WDR72: variants seen among roughly 807,000 people sequenced by gnomAD.
WDR72 encodes WD repeat domain 72, also known as WD repeat-containing protein 72.
Under a neutral mutation model 124.2 loss-of-function variants are expected in WDR72, and 120 were observed. The observed-to-expected ratio is 0.97, with a 90% CI of 0.83 to 1.12. WDR72 has a LOEUF of 1.12. Among genes scored for constraint, WDR72 ranks in the 50% most tolerant of loss-of-function variants. The pLI is 0.00. For synonymous variants in WDR72, 452 were observed against 441.7 expected (o/e 1.02, Z -0.29); for missense variants, 1,387 against 1,278.8 (o/e 1.08, Z -1.29).
chr15:53,661,229 A>G (rs1389955735), intron 14 of WDR72, among the ~76,000 whole-genome samples: 3 of 152,136 alleles, frequency 2.0e-5, no homozygotes, highest in South Asian at 2.1e-4. Flanking sequence ...ATGCTGAGTA[A>G]TATATAAGGA....
intron 13 of WDR72, among the ~76,000 whole-genome samples, chr15:53,675,362 A>C (rs1170307823): frequency 1.3e-5 from 2 of 151,318 alleles, no homozygotes; most frequent in Non-Finnish European, 2.9e-5. Context: ...AAAAAAATCT[A>C]CTATGACTAA....
intron 17 of WDR72, among the ~76,000 whole-genome samples, chr15:53,598,178 C>A (rs912466241): frequency 4.6e-5 from 7 of 151,644 alleles, no homozygotes; most frequent in Admixed American, 2.6e-4. Flanking sequence ...ACTAGGGACA[C>A]CTTCTCATCA....
Position 53,716,608 on chromosome 15 carries a change from C to T in WDR72, c.338G>A (p.Cys113Tyr). The T allele has an allele frequency of 6.2e-7, 1 of 1,602,796 alleles. No individual in the cohort carries two copies. The highest frequency in any genetic ancestry group is 8.5e-7 in the Non-Finnish European group (1 of 1,169,658). Residue 113 changes from cysteine (C) to tyrosine (Y), a missense_variant and splice_region_variant, in exon 4 of 20, where the codon TGT (cysteine) becomes TAT (tyrosine). Cys to Tyr is a radical substitution (Grantham distance 194, BLOSUM62 -2). Coordinates refer to ENST00000360509, the MANE Select transcript of WDR72 (RefSeq NM_182758.4). ...ATLPYRHTAI[C>Y]YYHCSFRMTG... is the part of the protein sequence containing the mutation. ...CCTGAAGGAAGTGAGTGTACTTACACAGATTGCAGTGTGCCTGTAAGGAAG... is the reference window on the plus strand; with the variant it reads ...CCTGAAGGAAGTGAGTGTACTTACATAGATTGCAGTGTGCCTGTAAGGAAG...
At chr15:53,686,115 T>C (rs1258819311) in intron 13 of WDR72, among the ~76,000 whole-genome samples, 2 of 146,662 alleles carry the variant, frequency 1.4e-5, no homozygotes, top group East Asian at 4.2e-4. Flanking sequence ...CATGCCAAAA[T>C]GTAAAGACCA....
At chr15:53,715,133 T>C in intron 5 of WDR72, 60 bp downstream of exon 5, 1 of 1,570,796 alleles carries the variant, frequency 6.4e-7, no homozygotes, top group Non-Finnish European at 8.7e-7. Context: ...TGACAAATAA[T>C]TCAAAAGTAG....
intron 18 of WDR72, among the ~76,000 whole-genome samples, chr15:53,529,696 C>G (rs1203312863): frequency 6.6e-6 from 1 of 151,942 alleles, no homozygotes; most frequent in Non-Finnish European, 1.5e-5. Flanking sequence ...TCATACTCTC[C>G]TCAATCCAAA....
chr15:53,691,060 T>A (rs2016822242), intron 13 of WDR72, among the ~76,000 whole-genome samples: 1 of 152,126 alleles, frequency 6.6e-6, no homozygotes, highest in African/African-American at 2.4e-5. Context: ...ATAATGATGT[T>A]GATAACCTTT....
rs370110698 is a variant in WDR72, at chr15:53,699,918, C to A, written c.1597G>T (p.Val533Leu). ...AGAGCCACGGAATGGTCACCGCACA[C>A]ACAGCAAATTATCTGCTCACCCCTT... ...KLRGEQIICC[V>L]CGDHSVALLH... The change falls in exon 13 of 20, where the codon GTG becomes TTG. Residue 533 changes from valine (V) to leucine (L), a missense_variant. Coordinates refer to ENST00000360509, the MANE Select transcript of WDR72 (RefSeq NM_182758.4). The A allele has an allele frequency of 1.7e-5, 28 of 1,614,046 alleles. No homozygotes were observed. Among genetic ancestry groups the A allele is most frequent in the Non-Finnish European group, 2.0e-5 (24 of 1,180,038 alleles).
chr15:53,702,326 G>T lies in WDR72; in HGVS notation c.1377C>A (p.Gly459=). 1 of 1,613,826 alleles carries T rather than the reference G, an allele frequency of 6.2e-7. No individual in the cohort carries two copies. Among genetic ancestry groups the T allele is most frequent in the Non-Finnish European group, 8.5e-7 (1 of 1,179,784 alleles). The stretch of plus-strand genomic sequence containing the variant: ...GTAATGAAGTGACACTTTGGTGGTG[G>T]CCTTTAAGAACTTTATGAGGGGGAG... ...KDSPPHKVLK[G]HHQSVTSLLY... is the part of the protein sequence containing the mutation. Residue 459 remains glycine, a synonymous_variant, in exon 12 of 20, where the codon GGC becomes GGA. Transcript: ENST00000360509.
chr15:53,580,656 T>C (rs1411314029), intron 18 of WDR72, among the ~76,000 whole-genome samples: 1 of 151,994 alleles, frequency 6.6e-6, no homozygotes. Context: ...GATTTGTGAC[T>C]TGAGCCTTGA....
At chr15:53,756,112 A>T (rs1282146370) in intron 1 of WDR72, among the ~76,000 whole-genome samples, 1 of 152,176 alleles carries the variant, frequency 6.6e-6, no homozygotes, top group Non-Finnish European at 1.5e-5. Flanking sequence ...TCCCCACCCA[A>T]ATCTCATCTT....
intron 18 of WDR72, among the ~76,000 whole-genome samples, chr15:53,581,527 C>T (rs1404230980): frequency 1.3e-5 from 2 of 152,092 alleles, no homozygotes; most frequent in African/African-American, 2.4e-5. Flanking sequence ...TGAATCTAGT[C>T]ATTGGTAAAA....
intron 18 of WDR72, among the ~76,000 whole-genome samples, chr15:53,586,897 C>A (rs917200391): frequency 6.6e-6 from 1 of 151,866 alleles, no homozygotes; most frequent in Non-Finnish European, 1.5e-5. Flanking sequence ...GTTTCATCTC[C>A]TTCTGAACTT....
At chr15:53,707,963 A>G (rs959061248) in intron 9 of WDR72, among the ~76,000 whole-genome samples, 1 of 151,616 alleles carries the variant, frequency 6.6e-6, no homozygotes, top group Admixed American at 6.6e-5. Flanking sequence ...TGGCAGCACA[A>G]CTCCTCCCAG....
chr15:53,758,615 T>G (rs2140906954), intron 1 of WDR72, among the ~76,000 whole-genome samples: 2 of 151,714 alleles, frequency 1.3e-5, no homozygotes, highest in African/African-American at 4.8e-5. Flanking sequence ...TTTTCACTGG[T>G]TTGTAAGTGG....
rs754877234 is a variant in WDR72 at position 53,715,338 on chromosome 15, T to G, written c.369A>C (p.Gly123=). The G allele has an allele frequency of 1.2e-6, 2 of 1,614,138 alleles. No individual in the cohort carries two copies. The highest frequency in any genetic ancestry group is 1.7e-6 in the Non-Finnish European group (2 of 1,180,006). Residue 123 remains glycine, a synonymous_variant, in exon 5 of 20, where the codon GGA becomes GGC. Transcript: ENST00000360509. Reference sequence around the variant, plus strand: ...CTCCACAACAAAGAAGCCAGCCTTCTCCTGTCATCCGGAATGAGCAGTGGT... The same window carrying G: ...CTCCACAACAAAGAAGCCAGCCTTCGCCTGTCATCCGGAATGAGCAGTGGT... The part of the protein sequence containing the change: ...CYYHCSFRMT[G]EGWLLCCGEY...
intron 2 of WDR72, among the ~76,000 whole-genome samples, chr15:53,728,572 T>C (rs978055605): frequency 6.6e-6 from 1 of 152,222 alleles, no homozygotes; most frequent in African/African-American, 2.4e-5. Flanking sequence ...AAGATCTCCA[T>C]TCTTTGTCTC....
chr15:53,754,269 T>C (rs565325449), intron 1 of WDR72, among the ~76,000 whole-genome samples: 35 of 152,146 alleles, frequency 2.3e-4, no homozygotes, highest in African/African-American at 7.2e-4. Context: ...AAAAAGCTCA[T>C]CGTAACACTA....
intron 19 of WDR72, among the ~76,000 whole-genome samples, chr15:53,518,020 ATTAATAGCTTGGGGATTT>A (rs1255019494): frequency 4.6e-5 from 7 of 151,840 alleles, no homozygotes; most frequent in Non-Finnish European, 8.8e-5. Flanking sequence ...TGCACACATT[ATTAATAGCTTGGGGATTT>A]TTTTTTAACT....
Sources: allele counts gnomAD v4.1 joint callset (sites outside exome capture counted in the v4.1 genomes callset), GRCh38; gene constraint gnomAD v4.1.1; transcripts MANE v1.5; gene names NCBI Gene and HGNC (gene_info 2026-07-23, HGNC 2026-07-21).